The following MAGI1 variants were observed in gnomAD, a reference collection of about 807,000 sequenced individuals.
MAGI1 encodes the protein membrane-associated guanylate kinase, WW and PDZ domain-containing protein 1.
A neutral mutation model predicts 139.9 loss-of-function variants in MAGI1; 58 were observed. The observed-to-expected ratio is 0.41, with a 90% CI of 0.34 to 0.52. The LOEUF is 0.52. MAGI1 is among the 20% of genes least tolerant of loss of function. MAGI1 has a pLI of 0.12. For synonymous variants in MAGI1, 812 were observed against 737.9 expected (o/e 1.10, Z -1.63); for missense variants, 1,874 against 1,901.6 (o/e 0.99, Z 0.27).
chr3:65,902,010 C>T (rs111690439), intron 1 of MAGI1, among the ~76,000 whole-genome samples: 55 of 152,164 alleles, frequency 3.6e-4, no homozygotes, highest in African/African-American at 1.3e-3. Context: ...AATGTTTCCC[C>T]ATGATATTTA....
At chr3:65,425,895 T>C (rs1017521096) in intron 12 of MAGI1, among the ~76,000 whole-genome samples, 1 of 152,134 alleles carries the variant, frequency 6.6e-6, no homozygotes, top group South Asian at 2.1e-4. Flanking sequence ...TTCGATAGCT[T>C]TTACAAATTA....
intron 1 of MAGI1, among the ~76,000 whole-genome samples, chr3:65,900,953 C>G (rs1385943150): frequency 1.3e-5 from 2 of 152,102 alleles, no homozygotes. Flanking sequence ...TTTGAGAGAA[C>G]AGAAGAATGA....
intron 2 of MAGI1, among the ~76,000 whole-genome samples, chr3:65,530,834 T>TACACACACACACACACAC (rs1431098233): frequency 2.8e-5 from 1 of 35,532 alleles, no homozygotes; most frequent in Non-Finnish European, 6.0e-5. Context: ...TATATATATA[T>TACACACACACACACACAC]ATATACACAC....
chr3:65,478,462 G>T, intron 4 of MAGI1, 130 bp downstream of exon 4: 1 of 802,188 alleles, frequency 1.2e-6, no homozygotes, highest in Non-Finnish European at 2.1e-6. Flanking sequence ...GCACTGTGTG[G>T]TCCAAGTTTG....
chr3:65,642,518 T>C (rs2107250263), intron 1 of MAGI1, among the ~76,000 whole-genome samples: 1 of 152,322 alleles, frequency 6.6e-6, no homozygotes, highest in East Asian at 1.9e-4. Flanking sequence ...AGTGTTTTTA[T>C]AATGACTTAG....
At chr3:65,754,205 A>G (rs1488382685) in intron 1 of MAGI1, among the ~76,000 whole-genome samples, 1 of 152,200 alleles carries the variant, frequency 6.6e-6, no homozygotes. Flanking sequence ...CTTATCACTG[A>G]GAGACAGAAT....
Position 65,708,088 on chromosome 3 carries a change from T to C in MAGI1, c.314-86000A>G, listed in dbSNP as rs144933008. Among the ~76,000 whole-genome samples, 141 of 152,280 alleles carry C rather than the reference T, an allele frequency of 9.3e-4. 1 individual carries two copies. Among genetic ancestry groups the C allele is most frequent in the African/African-American group, 3.3e-3 (136 of 41,564 alleles). The stretch of plus-strand genomic sequence containing the variant: ...TTACCAAAATAATCACCCCTATAAA[T>C]GTAACCCACTTCCTGGAGTTGAAAA... On this transcript the variant is annotated intron_variant, in intron 1 of 22. Transcript: ENST00000402939.
intron 1 of MAGI1, among the ~76,000 whole-genome samples, chr3:65,908,098 C>G (rs762248365): frequency 1.3e-5 from 2 of 152,136 alleles, no homozygotes; most frequent in African/African-American, 2.4e-5. Context: ...AACAAACATG[C>G]CCTGAAGGAA....
chr3:65,743,300 T>C (rs189034208), intron 1 of MAGI1, among the ~76,000 whole-genome samples: 139 of 152,356 alleles, frequency 9.1e-4, no homozygotes, highest in African/African-American at 3.3e-3. Flanking sequence ...AAAATCAGGA[T>C]ATAGTCTAGA....
At chr3:65,956,381 C>T (rs1480340693) in intron 1 of MAGI1, among the ~76,000 whole-genome samples, 1 of 152,092 alleles carries the variant, frequency 6.6e-6, no homozygotes, top group African/African-American at 2.4e-5. Flanking sequence ...AGCCTGCCAC[C>T]GGCATTTGGA....
chr3:65,617,055 C>G lies in MAGI1; in HGVS notation c.430+4917G>C, dbSNP rs2083413855. 6.6e-5 allele frequency among the ~76,000 whole-genome samples: 10 copies of G among 152,220 alleles called. No homozygotes were observed. The South Asian group carries it at 2.1e-3, about 31-fold the overall frequency. ...TGCTAAAATGCCCTTTTGAATATGG[C>G]TATCTTATAAAGACCAGTATCACCT... is the stretch of plus-strand genomic sequence containing the variant. On this transcript the variant is annotated intron_variant, in intron 2 of 22. Transcript: ENST00000402939.
intron 1 of MAGI1, among the ~76,000 whole-genome samples, chr3:66,006,836 G>C (rs2067043295): frequency 6.7e-6 from 1 of 148,528 alleles, no homozygotes. Flanking sequence ...GTTTTGTTTT[G>C]TTTTGTTTAT....
chr3:65,585,632 TATGTGCCATACTAC>T (rs1398721965), intron 2 of MAGI1, among the ~76,000 whole-genome samples: 1 of 152,168 alleles, frequency 6.6e-6, no homozygotes, highest in Admixed American at 6.5e-5. Flanking sequence ...GTTGGACATA[TATGTGCCATACTAC>T]ACAGAGATCT....
At chr3:65,384,651 T>C (rs1025714028) in intron 14 of MAGI1, among the ~76,000 whole-genome samples, 8 of 152,166 alleles carry the variant, frequency 5.3e-5, no homozygotes, top group Non-Finnish European at 8.8e-5. Flanking sequence ...GAGAATCACT[T>C]GAGCCAGGGA....
At chr3:65,639,815 C>A (rs1001867128) in intron 1 of MAGI1, among the ~76,000 whole-genome samples, 10 of 151,854 alleles carry the variant, frequency 6.6e-5, no homozygotes, top group African/African-American at 2.4e-4. Context: ...CCAGCCTGAC[C>A]AACATGGAAA....
chr3:65,907,026 T>C (rs1194785333), intron 1 of MAGI1, among the ~76,000 whole-genome samples: 1 of 150,078 alleles, frequency 6.7e-6, no homozygotes, highest in Admixed American at 6.7e-5. Context: ...ATCCACAAAT[T>C]CAGTGAGAAA....
intron 3 of MAGI1, among the ~76,000 whole-genome samples, 153 bp from the exon 4 acceptor site, chr3:65,478,951 A>G (rs1453980587): frequency 6.6e-6 from 1 of 152,160 alleles, no homozygotes; most frequent in Non-Finnish European, 1.5e-5. Context: ...GGGTTAGAAG[A>G]GATATCTTTC....
chr3:65,891,916 A>G (rs2060780092), intron 1 of MAGI1, among the ~76,000 whole-genome samples: 1 of 105,880 alleles, frequency 9.4e-6, no homozygotes, highest in Non-Finnish European at 1.9e-5. Flanking sequence ...ATATATATAT[A>G]TATATATATA....
intron 1 of MAGI1, among the ~76,000 whole-genome samples, chr3:65,753,572 T>G (rs2036326421): frequency 6.6e-6 from 1 of 151,344 alleles, no homozygotes; most frequent in African/African-American, 2.4e-5. Flanking sequence ...AAATACAAAA[T>G]CAGCCAGTCG....
Sources: gnomAD v4.1 joint callset for allele counts (sites outside exome capture counted in the v4.1 genomes callset) on GRCh38, gnomAD v4.1.1 for gene constraint, MANE v1.5 for transcripts, NCBI Gene and HGNC (gene_info 2026-07-23, HGNC 2026-07-21) for gene names.